Variants in CTIF observed in about 807,000 individuals in gnomAD.
CTIF encodes the protein CBP80/20-dependent translation initiation factor.
Under a neutral mutation model 66.0 loss-of-function variants are expected in CTIF, and 21 were observed. The ratio of observed to expected loss-of-function variants is 0.32; its 90% CI spans 0.23 to 0.46. CTIF has a LOEUF of 0.46. Ranked by LOEUF, CTIF falls within the 20% of genes least tolerant of loss-of-function variation. CTIF has a pLI of 1.00. For missense variants in CTIF, 739 were observed against 812.7 expected (o/e 0.91, Z 1.10); for synonymous variants, 345 against 326.4 (o/e 1.06, Z -0.62).
chr18:48,857,715 C>T (rs2069363104), intron 11 of CTIF, 74 bp downstream of exon 11: 8 of 1,403,880 alleles, frequency 5.7e-6, no homozygotes, highest in Non-Finnish European at 6.8e-6. Flanking sequence ...TCTAGGGGCA[C>T]GAGGGTTGTT....
At chr18:48,685,885 C>T (rs370526078) in intron 6 of CTIF, among the ~76,000 whole-genome samples, 21 of 151,954 alleles carry the variant, frequency 1.4e-4, no homozygotes, top group Admixed American at 8.5e-4. Flanking sequence ...CTGTGTTGGC[C>T]GGGCTGATCT....
chr18:48,849,018 C>T (rs1239638340), intron 10 of CTIF, among the ~76,000 whole-genome samples: 1 of 152,190 alleles, frequency 6.6e-6, no homozygotes, highest in African/African-American at 2.4e-5. Context: ...GCCCACATCC[C>T]CGTCAGTGCC....
At chr18:48,764,096 C>T (rs1909273382) in intron 9 of CTIF, among the ~76,000 whole-genome samples, 1 of 152,126 alleles carries the variant, frequency 6.6e-6, no homozygotes, top group Non-Finnish European at 1.5e-5. Flanking sequence ...TTCTCTGTCC[C>T]ACTCTGAGCA....
At chr18:48,805,098 G>T (rs2068117638) in intron 9 of CTIF, among the ~76,000 whole-genome samples, 1 of 152,218 alleles carries the variant, frequency 6.6e-6, no homozygotes, top group Admixed American at 6.5e-5. Context: ...GAACATTCAG[G>T]GTCGTCTCTC....
At chr18:48,640,325 C>T (rs548604128) in intron 3 of CTIF, among the ~76,000 whole-genome samples, 41 of 152,230 alleles carry the variant, frequency 2.7e-4, no homozygotes, top group African/African-American at 3.1e-4. Flanking sequence ...AACCCTAAGA[C>T]GGGAGTCAGG....
At chr18:48,803,694 G>A (rs555518499) in intron 9 of CTIF, among the ~76,000 whole-genome samples, 1 of 152,318 alleles carries the variant, frequency 6.6e-6, no homozygotes, top group East Asian at 1.9e-4. Flanking sequence ...CAGCCACAGT[G>A]ATTGGGCTGA....
chr18:48,572,468 T>G (rs4939783), intron 1 of CTIF, among the ~76,000 whole-genome samples: 142,827 of 152,194 alleles, frequency 0.94, 67,072 homozygotes, highest in East Asian at 1. Flanking sequence ...GAGTCCTCTC[T>G]TTTTATAACT....
intron 1 of CTIF, among the ~76,000 whole-genome samples, chr18:48,618,308 G>C (rs1285860754): frequency 6.6e-6 from 1 of 152,204 alleles, no homozygotes; most frequent in Non-Finnish European, 1.5e-5. Flanking sequence ...CAGCATTCAC[G>C]CTGCTCTATA....
At chr18:48,839,710 A>G (rs1166784911) in intron 10 of CTIF, among the ~76,000 whole-genome samples, 1 of 152,190 alleles carries the variant, frequency 6.6e-6, no homozygotes, top group Non-Finnish European at 1.5e-5. Context: ...CTTCCCTCCT[A>G]GACTCATAAA....
chr18:48,846,963 G>T (rs1236979640), intron 10 of CTIF, among the ~76,000 whole-genome samples: 1 of 152,150 alleles, frequency 6.6e-6, no homozygotes, highest in Non-Finnish European at 1.5e-5. Flanking sequence ...GGTAAAATCA[G>T]TTCAATTTTG....
intron 6 of CTIF, among the ~76,000 whole-genome samples, chr18:48,676,293 T>G (rs572913881): frequency 6.6e-6 from 1 of 152,348 alleles, no homozygotes; most frequent in African/African-American, 2.4e-5. Flanking sequence ...ACGTTGTTTG[T>G]TGAATTATCC....
At chr18:48,643,390 T>C (rs959134774) in intron 3 of CTIF, among the ~76,000 whole-genome samples, 10 of 152,184 alleles carry the variant, frequency 6.6e-5, no homozygotes, top group Non-Finnish European at 1.5e-4. Context: ...GATCTAATGC[T>C]AATAGACAAA....
intron 2 of CTIF, among the ~76,000 whole-genome samples, chr18:48,623,122 T>G (rs1445184121): frequency 6.6e-6 from 1 of 152,244 alleles, no homozygotes; most frequent in African/African-American, 2.4e-5. Flanking sequence ...CACGCTTGGA[T>G]GCCCCCATCT....
At chr18:48,596,319 T>C (rs1450822112) in intron 1 of CTIF, among the ~76,000 whole-genome samples, 1 of 152,178 alleles carries the variant, frequency 6.6e-6, no homozygotes, top group Non-Finnish European at 1.5e-5. Context: ...TTGCCCTGTG[T>C]AATAGTTGAC....
At chr18:48,699,979 T>C (rs965169264) in intron 6 of CTIF, among the ~76,000 whole-genome samples, 10 of 152,232 alleles carry the variant, frequency 6.6e-5, no homozygotes, top group African/African-American at 2.4e-4. Flanking sequence ...GCTCGGCAGA[T>C]ACTGAGAGGC....
chr18:48,676,428 G>C (rs142651629), intron 6 of CTIF, among the ~76,000 whole-genome samples: 2 of 152,180 alleles, frequency 1.3e-5, no homozygotes, highest in South Asian at 4.1e-4. Flanking sequence ...CTGACTTCTC[G>C]TTTTGCCTTT....
At chr18:48,564,542 T>C (rs982823267) in intron 1 of CTIF, among the ~76,000 whole-genome samples, 1 of 152,162 alleles carries the variant, frequency 6.6e-6, no homozygotes, top group African/African-American at 2.4e-5. Context: ...AGCTGTTTAG[T>C]TTGGGGAGAT....
intron 9 of CTIF, among the ~76,000 whole-genome samples, chr18:48,765,264 C>A (rs1411570134): frequency 6.6e-6 from 1 of 152,222 alleles, no homozygotes; most frequent in Non-Finnish European, 1.5e-5. Context: ...TGCTTCCTCC[C>A]TGAGGTTTGC....
chr18:48,637,801 C>CGGG (rs1296653205), intron 3 of CTIF, among the ~76,000 whole-genome samples: 1 of 151,758 alleles, frequency 6.6e-6, no homozygotes, highest in Non-Finnish European at 1.5e-5. Flanking sequence ...ATAAGAGCCC[C>CGGG]GGGGGTGGGG....
Sources: gnomAD v4.1 joint callset for allele counts (sites outside exome capture counted in the v4.1 genomes callset) on GRCh38, gnomAD v4.1.1 for gene constraint, MANE v1.5 for transcripts, NCBI Gene and HGNC (gene_info 2026-07-23, HGNC 2026-07-21) for gene names.